The following SEPTIN8 variants were observed in gnomAD, a reference collection of about 807,000 sequenced individuals.
The protein encoded by SEPTIN8 is septin-8.
A neutral mutation model predicts 53.1 loss-of-function variants in SEPTIN8; 22 were observed. The ratio of observed to expected loss-of-function variants is 0.41; its 90% CI spans 0.30 to 0.59. The LOEUF is 0.59. Among genes scored for constraint, SEPTIN8 ranks in the 20% least tolerant of loss-of-function variants. The probability of loss-of-function intolerance (pLI) is 0.24; values close to 1 mark genes in which losing one functional copy is unlikely to be tolerated. For missense variants in SEPTIN8, 536 were observed against 638.7 expected (o/e 0.84, Z 1.73); for synonymous variants, 228 against 248.4 (o/e 0.92, Z 0.77).
At chr5:132,759,225 G>T (rs1199948432) in intron 9 of SEPTIN8, among the ~76,000 whole-genome samples, 1 of 152,190 alleles carries the variant, frequency 6.6e-6, no homozygotes, top group Non-Finnish European at 1.5e-5. Context: ...GCCGTCATGG[G>T]AAGAGCGTTT....
chr5:132,770,008 T>TATATATATACAC (rs1757048340), intron 1 of SEPTIN8, among the ~76,000 whole-genome samples: 1 of 52,216 alleles, frequency 1.9e-5, no homozygotes, highest in African/African-American at 8.2e-5. Flanking sequence ...TATATATATA[T>TATATATATACAC]ATATATATAT....
intron 9 of SEPTIN8, chr5:132,759,105 C>A: frequency 1.7e-6 from 1 of 571,738 alleles, no homozygotes; most frequent in Admixed American, 2.3e-5. Flanking sequence ...GAAAAACACC[C>A]CTGCCCCCAT....
At position 132,751,319 on chromosome 5, in the gene SEPTIN8, ATCTG is replaced by A. The variant is rs960674773; in HGVS notation, c.*693_*696del. ...CATTCTATGAATACTGTACATAAAT[ATCTG>A]TCTGCTTTTGCTACACTTTACACAC... On this transcript the variant is annotated 3_prime_UTR_variant, in exon 10 of 10. Coordinates refer to ENST00000378719, the MANE Select transcript of SEPTIN8 (RefSeq NM_001098811.2). 1.2e-5 allele frequency: 3 copies of A among 243,996 alleles called. No homozygotes were observed. The highest frequency in any genetic ancestry group is 6.8e-5 in the African/African-American group (3 of 44,318). 15.1% of individuals were successfully genotyped at this position (243,996 alleles called of 1,614,324 possible).
intron 9 of SEPTIN8, chr5:132,756,389 G>C: frequency 1.0e-6 from 1 of 984,814 alleles, no homozygotes; most frequent in Non-Finnish European, 1.2e-6. Flanking sequence ...GAATTATATG[G>C]TGATTCTTCT....
At chr5:132,777,343 G>T, upstream of SEPTIN8, 2 of 1,053,790 alleles carry the variant, frequency 1.9e-6, no homozygotes, top group Admixed American at 5.5e-5. This position sits in a 1 kb window ranked among gnomAD's most constrained non-coding sequence, Gnocchi z 4.1. Context: ...TCCCCGCCCG[G>T]CCCGGCCACG....
intron 9 of SEPTIN8, chr5:132,757,308 C>T: frequency 5.1e-6 from 5 of 985,420 alleles, no homozygotes; most frequent in Non-Finnish European, 6.0e-6. Context: ...CATGGAGCCC[C>T]TCACAGGTAA....
At chr5:132,754,887 A>G (rs1005660334) in intron 9 of SEPTIN8, among the ~76,000 whole-genome samples, 1 of 152,180 alleles carries the variant, frequency 6.6e-6, no homozygotes. Flanking sequence ...AGATGGAAAA[A>G]GCTCAGAGGC....
chr5:132,760,795 C>A lies in SEPTIN8; in HGVS notation c.1286+7G>T. 1 of 1,612,612 alleles carries A rather than the reference C, an allele frequency of 6.2e-7. No individual in the cohort carries two copies. The highest frequency in any genetic ancestry group is 1.1e-5 in the South Asian group (1 of 90,996). On this transcript the variant is annotated splice_region_variant and intron_variant, in intron 9 of 9. Transcript: ENST00000378719. The surrounding 1 kb of genome is among the most constrained non-coding windows in gnomAD (Gnocchi z 5.2). ...AGGAGCCAGCGCAGGCGCAGCCTGCCACCTACTTCTTCTTGTCCTTGTCCT... is the reference window on the plus strand; with the variant it reads ...AGGAGCCAGCGCAGGCGCAGCCTGCAACCTACTTCTTCTTGTCCTTGTCCT...
At chr5:132,754,562 G>C (rs971580056) in intron 9 of SEPTIN8, 2 of 716,668 alleles carry the variant, frequency 2.8e-6, no homozygotes, top group African/African-American at 3.5e-5. Flanking sequence ...CCTAGGACTG[G>C]GGTAAGAGAC....
At chr5:132,758,505 A>G in intron 9 of SEPTIN8, 1 of 1,613,264 alleles carries the variant, frequency 6.2e-7, no homozygotes, top group Non-Finnish European at 8.5e-7. Context: ...GCGGCACATA[A>G]CAGCTCCGTC....
chr5:132,754,723 A>G (rs1388288727), intron 9 of SEPTIN8, among the ~76,000 whole-genome samples: 2 of 152,198 alleles, frequency 1.3e-5, no homozygotes, highest in African/African-American at 4.8e-5. Flanking sequence ...ACTTCCCTCT[A>G]ATATTCTTTT....
chr5:132,756,492 G>T, intron 9 of SEPTIN8: 1 of 985,410 alleles, frequency 1.0e-6, no homozygotes, highest in Non-Finnish European at 1.2e-6. Flanking sequence ...AAATGACAAT[G>T]AGAAAAAGAG....
At position 132,751,780 on chromosome 5, in the gene SEPTIN8, A is replaced by G; in HGVS notation, c.*236T>C. 1.5e-6 allele frequency: 1 copy of G among 667,818 alleles called. No homozygotes were observed. Among genetic ancestry groups the G allele is most frequent in the Non-Finnish European group, 2.5e-6 (1 of 406,780 alleles). The allele number at this position is 667,818 out of a possible 1,614,324, so 41.4% of individuals were successfully genotyped here. Reference sequence around the variant, plus strand: ...TTTTTTTTTTTTGGTCCCGGAGTGGAAGCTCAGCTTGGCCACAGGATGGGC... The same window carrying G: ...TTTTTTTTTTTTGGTCCCGGAGTGGGAGCTCAGCTTGGCCACAGGATGGGC... On this transcript the variant is annotated 3_prime_UTR_variant, in exon 10 of 10. Transcript: ENST00000378719.
At chr5:132,754,540 A>G (rs1024527856) in intron 9 of SEPTIN8, 1 of 717,374 alleles carries the variant, frequency 1.4e-6, no homozygotes, top group African/African-American at 1.7e-5. Context: ...AGCAGAGGGT[A>G]GACATGTGAG....
chr5:132,765,457 C>A lies in SEPTIN8; in HGVS notation c.103G>T (p.Val35Phe). ...AAGCCCTGAGTGACCGACTTGCTGA[C>A]CAGCTGGTCGGGGAGGCTGTCGAAA... is the stretch of plus-strand genomic sequence containing the variant. The part of the protein sequence containing the change: ...VGFDSLPDQL[V>F]SKSVTQGFSF... The change falls in exon 2 of 10, where the codon GTC becomes TTC. Residue 35 changes from valine to phenylalanine, a missense_variant. By Grantham distance (50) the Val-to-Phe change is conservative. Coordinates refer to ENST00000378719, the MANE Select transcript of SEPTIN8 (RefSeq NM_001098811.2). 6.2e-7 allele frequency: 1 copy of A among 1,613,598 alleles called. No individual in the cohort carries two copies. Among genetic ancestry groups the A allele is most frequent in the Non-Finnish European group, 8.5e-7 (1 of 1,179,716 alleles).
At chr5:132,757,098 A>T (rs1755411342) in intron 9 of SEPTIN8, 1 of 985,356 alleles carries the variant, frequency 1.0e-6, no homozygotes, top group South Asian at 4.7e-5. Context: ...TTGCAACCAG[A>T]TACGGACTTA....
At chr5:132,758,000 A>G (rs890941472) in intron 9 of SEPTIN8, 2 of 988,188 alleles carry the variant, frequency 2.0e-6, no homozygotes, top group African/African-American at 1.7e-5. Context: ...ACACACACAC[A>G]TGGAGTTGGT....
rs1286689772 is a variant in SEPTIN8, at chr5:132,762,492, C to T, written c.688G>A (p.Val230Ile). ...CCTCACCCAACGCTCACATTCATGA[C>T]TGCGTTAATCTCTGCAACAGCCTCA... ...DDEAVAEINA[V>I]MNAHLPFAVV... is the part of the protein sequence containing the mutation. Residue 230 changes from valine to isoleucine, a missense_variant, in exon 5 of 10, where the codon GTC (valine) becomes ATC (isoleucine). Physicochemically the swap from Val to Ile is conservative, Grantham distance 29 (BLOSUM62 3). Coordinates refer to ENST00000378719, the MANE Select transcript of SEPTIN8 (RefSeq NM_001098811.2). The T allele has an allele frequency of 6.2e-7, 1 of 1,614,122 alleles. No individual in the cohort carries two copies. Among genetic ancestry groups the T allele is most frequent in the Non-Finnish European group, 8.5e-7 (1 of 1,180,038 alleles).
At chr5:132,756,463 C>T in intron 9 of SEPTIN8, 2 of 985,402 alleles carry the variant, frequency 2.0e-6, no homozygotes, top group Non-Finnish European at 1.2e-6. Context: ...TCCTGTAAGA[C>T]AGCCCTAATA....
Sources: allele counts gnomAD v4.1 joint callset (sites outside exome capture counted in the v4.1 genomes callset), GRCh38; gene constraint gnomAD v4.1.1; non-coding constraint Gnocchi (gnomAD v3.1); transcripts MANE v1.5; gene names NCBI Gene and HGNC (gene_info 2026-07-23, HGNC 2026-07-21).